Variants in LDLRAD4 observed in about 807,000 individuals in gnomAD.
The protein encoded by LDLRAD4 is low density lipoprotein receptor class A domain containing 4.
LDLRAD4 carries 5 observed loss-of-function variants against 17.0 expected under a neutral mutation model. The ratio of observed to expected loss-of-function variants is 0.29; its 90% confidence interval spans 0.15 to 0.62. The LOEUF (loss-of-function observed/expected upper bound fraction) is 0.62. LDLRAD4 is among the 20% of genes least tolerant of loss of function. LDLRAD4 has a pLI of 0.84. For missense variants in LDLRAD4, 340 were observed against 424.7 expected, an observed-to-expected ratio of 0.80 and a Z score of 1.75; for synonymous variants, 168 against 171.8, an observed-to-expected ratio of 0.98 and a Z score of 0.17.
intron 3 of LDLRAD4, among the ~76,000 whole-genome samples, chr18:13,445,622 CGT>C (rs202132115): frequency 0.028 from 4,076 of 148,056 alleles, 273 homozygotes; most frequent in East Asian, 0.26. Flanking sequence ...AGTGTGTGTG[CGT>C]GTGTGTGTGA....
At chr18:13,292,549 G>A (rs947223811) in intron 1 of LDLRAD4, among the ~76,000 whole-genome samples, 3 of 152,198 alleles carry the variant, frequency 2.0e-5, no homozygotes, top group African/African-American at 7.2e-5. Context: ...GATGCCATTG[G>A]GGTGGGCTTT....
rs1408109877 is a variant in LDLRAD4 at position 13,367,431 on chromosome 18, A to T, written c.-382-19910A>T. Among the ~76,000 whole-genome samples, 1 of 152,040 alleles carries T rather than the reference A, an allele frequency of 6.6e-6. No homozygotes were observed. Among genetic ancestry groups the T allele is most frequent in the Non-Finnish European group, 1.5e-5 (1 of 68,008 alleles). On this transcript the variant is annotated intron_variant, in intron 1 of 5. Coordinates refer to ENST00000359446, the Ensembl canonical transcript of LDLRAD4. This position sits in a 1 kb window ranked among gnomAD's most constrained non-coding sequence, Gnocchi z 4.1. ...TCTCAGGCATTGAACTGCGTGGGGC[A>T]CTCCATGGGGCAGAAAAGAGCCTGG...
intron 1 of LDLRAD4, among the ~76,000 whole-genome samples, chr18:13,245,538 C>G (rs948410695): frequency 6.6e-6 from 1 of 152,196 alleles, no homozygotes; most frequent in African/African-American, 2.4e-5. Flanking sequence ...CCCAGGTCAG[C>G]CCAAGTCAGA....
chr18:13,406,300 C>T (rs968161311), intron 2 of LDLRAD4, among the ~76,000 whole-genome samples: 17 of 152,148 alleles, frequency 1.1e-4, no homozygotes, highest in Non-Finnish European at 1.6e-4. Flanking sequence ...ACACATGGTG[C>T]CAAGGTGCCA....
chr18:13,324,497 C>T (rs763663175), intron 1 of LDLRAD4, among the ~76,000 whole-genome samples: 20 of 152,078 alleles, frequency 1.3e-4, no homozygotes, highest in Admixed American at 9.8e-4. Context: ...GAGTATGTCC[C>T]GAGGACCTTC....
chr18:13,244,412 C>T (rs187575225), intron 1 of LDLRAD4, among the ~76,000 whole-genome samples: 1 of 152,216 alleles, frequency 6.6e-6, no homozygotes, highest in East Asian at 1.9e-4. Flanking sequence ...TTCATCTGCA[C>T]ATCCATTCAT....
chr18:13,362,980 G>C (rs1340641669), intron 1 of LDLRAD4, among the ~76,000 whole-genome samples: 1 of 152,080 alleles, frequency 6.6e-6, no homozygotes, highest in East Asian at 1.9e-4. Flanking sequence ...TCTGTCGTTA[G>C]TTATCAGGTT....
At chr18:13,233,979 C>T (rs1198786665) in intron 1 of LDLRAD4, among the ~76,000 whole-genome samples, 1 of 152,204 alleles carries the variant, frequency 6.6e-6, no homozygotes, top group Non-Finnish European at 1.5e-5. Context: ...GGCCACACAT[C>T]TCAGACACTT....
At chr18:13,497,874 C>CACA (rs1227502421) in intron 3 of LDLRAD4, among the ~76,000 whole-genome samples, 1 of 149,642 alleles carries the variant, frequency 6.7e-6, no homozygotes, top group African/African-American at 2.5e-5. Flanking sequence ...ATCCCTCTTG[C>CACA]CACACGTGTC....
intron 3 of LDLRAD4, among the ~76,000 whole-genome samples, chr18:13,594,115 C>T (rs1470632683): frequency 2.0e-5 from 3 of 152,142 alleles, no homozygotes; most frequent in South Asian, 2.1e-4. Flanking sequence ...GAGAGCTCAG[C>T]GTGCTGGTGG....
At chr18:13,581,495 T>C (rs2094857020) in intron 3 of LDLRAD4, among the ~76,000 whole-genome samples, 1 of 152,196 alleles carries the variant, frequency 6.6e-6, no homozygotes, top group Admixed American at 6.5e-5. Context: ...GCCTTCTTTC[T>C]GGGAACATGA....
intron 3 of LDLRAD4, among the ~76,000 whole-genome samples, chr18:13,474,193 C>G (rs2146825337): frequency 6.6e-6 from 1 of 152,270 alleles, no homozygotes; most frequent in East Asian, 1.9e-4. Flanking sequence ...CCTGTACAGG[C>G]CCCTGCAGAA....
chr18:13,573,118 T>G lies in LDLRAD4; in HGVS notation c.182-47999T>G, dbSNP rs1269067228. On this transcript the variant is annotated intron_variant, in intron 3 of 5. Coordinates refer to ENST00000359446, the Ensembl canonical transcript of LDLRAD4. ...ATTTTTATTTTTATTTTATTTTATT[T>G]TTTTGAGACGGAGTCTCGCTCTGTT... 6.6e-5 allele frequency among the ~76,000 whole-genome samples: 10 copies of G among 152,326 alleles called. No homozygotes were observed. In the East Asian group the frequency reaches 1.9e-3, roughly 29 times the overall value.
At chr18:13,322,370 G>C in intron 1 of LDLRAD4, among the ~76,000 whole-genome samples, 1 of 145,834 alleles carries the variant, frequency 6.9e-6, no homozygotes, top group Non-Finnish European at 1.5e-5. Flanking sequence ...CGCAATCTTG[G>C]CTCACTGCAA....
At chr18:13,558,247 G>A (rs1452536201) in intron 3 of LDLRAD4, among the ~76,000 whole-genome samples, 1 of 152,214 alleles carries the variant, frequency 6.6e-6, no homozygotes, top group Non-Finnish European at 1.5e-5. Context: ...ATAGTTCCCA[G>A]TAGGTGTCAC....
chr18:13,286,908 A>T (rs190096428), intron 1 of LDLRAD4, among the ~76,000 whole-genome samples: 43 of 152,310 alleles, frequency 2.8e-4, no homozygotes, highest in African/African-American at 9.9e-4. Context: ...GTGGGGCAGA[A>T]GGTGGATTGC....
chr18:13,439,695 T>G (rs1283691632), intron 3 of LDLRAD4, among the ~76,000 whole-genome samples: 1 of 152,156 alleles, frequency 6.6e-6, no homozygotes, highest in Non-Finnish European at 1.5e-5. Context: ...GGTGTGCTAC[T>G]TAGTGCATGG....
intron 3 of LDLRAD4, among the ~76,000 whole-genome samples, chr18:13,602,073 A>G (rs2148640851): frequency 1.3e-5 from 2 of 152,344 alleles, no homozygotes; most frequent in Admixed American, 1.3e-4. Context: ...AAGTAAATAT[A>G]AGTATTTTCT....
chr18:13,218,271 G>T (rs1389676170), upstream of LDLRAD4, among the ~76,000 whole-genome samples: 1 of 152,222 alleles, frequency 6.6e-6, no homozygotes, highest in Non-Finnish European at 1.5e-5. Context: ...GAGCGCGCGA[G>T]GTCTGTGAGG....
Sources: allele counts gnomAD v4.1 joint callset (sites outside exome capture counted in the v4.1 genomes callset), GRCh38; gene constraint gnomAD v4.1.1; non-coding constraint Gnocchi (gnomAD v3.1); transcripts MANE v1.5; gene names NCBI Gene and HGNC (gene_info 2026-07-23, HGNC 2026-07-21).